The following ITGA8 variants were observed in gnomAD, a reference collection of about 807,000 sequenced individuals.
The protein encoded by ITGA8 is integrin subunit alpha 8.
A neutral mutation model predicts 142.3 loss-of-function variants in ITGA8; 91 were observed. That is an observed-to-expected ratio of 0.64 (90% CI 0.54 to 0.76). ITGA8 has a LOEUF of 0.76. Among genes scored for constraint, ITGA8 ranks in the 30% least tolerant of loss-of-function variants. The pLI, the probability that ITGA8 is intolerant of heterozygous loss-of-function variation, is 0.00. For synonymous variants in ITGA8, 505 were observed against 485.2 expected (o/e 1.04, Z -0.54); for missense variants, 1,406 against 1,327.7 (o/e 1.06, Z -0.92).
rs371518581 is a variant in ITGA8 at position 15,671,585 on chromosome 10, C to T, written c.847+18G>A. 8 of 1,604,902 alleles carry T rather than the reference C, an allele frequency of 5.0e-6. No individual in the cohort carries two copies. Among genetic ancestry groups the T allele is most frequent in the Non-Finnish European group, 4.3e-6 (5 of 1,171,952 alleles). ...CCCCATGCTTTATAAGTGATTTAAA[C>T]TCAACAGTGCCTCTCACCTTGCTGA... is the stretch of plus-strand genomic sequence containing the variant. On this transcript the variant is annotated intron_variant, in intron 8 of 29. Coordinates refer to ENST00000378076, the MANE Select transcript of ITGA8 (RefSeq NM_003638.3).
rs1331440794 is a variant in ITGA8, at chr10:15,517,264, C to T, written c.3106-20G>A. 1.3e-6 allele frequency: 2 copies of T among 1,533,422 alleles called. No homozygotes were observed. The highest frequency in any genetic ancestry group is 1.4e-5 in the African/African-American group (1 of 72,098). The allele number at this position is 1,533,422 out of a possible 1,614,324, so 95.0% of individuals were successfully genotyped here. On this transcript the variant is annotated intron_variant, in intron 29 of 29. Transcript: ENST00000378076. Reference sequence around the variant, plus strand: ...TCCACACTATAAAGGGAAAGATGGGCTATAAAATCACGTCATTCTGGGAAC... The same window carrying T: ...TCCACACTATAAAGGGAAAGATGGGTTATAAAATCACGTCATTCTGGGAAC...
chr10:15,676,074 G>A (rs1265387342), intron 6 of ITGA8, among the ~76,000 whole-genome samples: 3 of 151,648 alleles, frequency 2.0e-5, no homozygotes, highest in South Asian at 2.1e-4. Flanking sequence ...TGAAATTAGC[G>A]GGCCACTCCA....
chr10:15,544,264 C>T (rs966029267), intron 27 of ITGA8, among the ~76,000 whole-genome samples: 20 of 152,130 alleles, frequency 1.3e-4, no homozygotes, highest in African/African-American at 4.6e-4. Flanking sequence ...CACCACTTCA[C>T]TCCAGCTTGG....
chr10:15,526,192 T>TC lies in ITGA8; in HGVS notation c.2982+4857_2982+4858insG, dbSNP rs532313002. 5.0e-3 allele frequency among the ~76,000 whole-genome samples: 763 copies of TC among 152,228 alleles called. 5 individuals are homozygous for TC. Among genetic ancestry groups the TC allele is most frequent in the Middle Eastern group, 0.017 (5 of 294 alleles). The stretch of plus-strand genomic sequence containing the variant: ...TTCATTATAAGATTCTTTTTTTTTT[T>TC]TGAGACGGAGTTGTGCTGTTATCGC... On this transcript the variant is annotated intron_variant, in intron 28 of 29. Transcript: ENST00000378076.
intron 23 of ITGA8, among the ~76,000 whole-genome samples, chr10:15,583,756 G>A (rs1834459447): frequency 1.3e-5 from 2 of 152,096 alleles, no homozygotes; most frequent in African/African-American, 4.8e-5. Flanking sequence ...TGGAGTGATG[G>A]TACTGTTCTA....
At chr10:15,643,450 T>A (rs1449229778) in intron 13 of ITGA8, among the ~76,000 whole-genome samples, 2 of 152,114 alleles carry the variant, frequency 1.3e-5, no homozygotes, top group Non-Finnish European at 2.9e-5. Flanking sequence ...CAGCTAATTT[T>A]TGTATTATTA....
At chr10:15,535,769 A>T (rs1483342799) in intron 27 of ITGA8, among the ~76,000 whole-genome samples, 1 of 152,134 alleles carries the variant, frequency 6.6e-6, no homozygotes, top group Non-Finnish European at 1.5e-5. Context: ...GCTGCCTGGG[A>T]CAGCAGTGGC....
At chr10:15,665,466 T>C (rs1452050816) in intron 8 of ITGA8, among the ~76,000 whole-genome samples, 1 of 152,188 alleles carries the variant, frequency 6.6e-6, no homozygotes, top group Non-Finnish European at 1.5e-5. Flanking sequence ...TTTTTTAGGT[T>C]GCCTGTTCAC....
intron 27 of ITGA8, among the ~76,000 whole-genome samples, chr10:15,534,205 C>A (rs925536757): frequency 6.6e-6 from 1 of 152,152 alleles, no homozygotes; most frequent in Non-Finnish European, 1.5e-5. Context: ...CCACCATGCC[C>A]AGCCTCATCA....
intron 2 of ITGA8, among the ~76,000 whole-genome samples, chr10:15,698,268 C>T (rs1265265209): frequency 2.0e-5 from 3 of 152,122 alleles, no homozygotes; most frequent in Non-Finnish European, 4.4e-5. Flanking sequence ...AGTAGTATTC[C>T]GTGGTGTATA....
At chr10:15,662,064 G>A (rs764417806) in intron 8 of ITGA8, among the ~76,000 whole-genome samples, 13 of 152,054 alleles carry the variant, frequency 8.5e-5, no homozygotes, top group African/African-American at 1.7e-4. Context: ...CACAAACATC[G>A]GGAATTTTGT....
At chr10:15,640,989 T>A (rs1833861210) in intron 13 of ITGA8, among the ~76,000 whole-genome samples, 1 of 152,156 alleles carries the variant, frequency 6.6e-6, no homozygotes. Context: ...CTCTTCCCAG[T>A]CGCTGGACAA....
Position 15,608,254 on chromosome 10 carries a change from C to G in ITGA8, c.1590G>C (p.Gln530His). Residue 530 changes from glutamine to histidine, a missense_variant, in exon 16 of 30, where the codon CAG (glutamine) becomes CAC (histidine). Gln to His is a conservative substitution (Grantham distance 24). Coordinates refer to ENST00000378076, the MANE Select transcript of ITGA8 (RefSeq NM_003638.3). ...SLRVCASVTG[Q>H]SIANTIVLMA... is the part of the protein sequence containing the mutation. ...GCTTACCTATTGTGTTTGCAATGCT[C>G]TGGCCTGTGACAGATGCACATACTC... 1 of 1,598,464 alleles carries G rather than the reference C, an allele frequency of 6.3e-7. No homozygotes were observed. The highest frequency in any genetic ancestry group is 1.3e-5 in the African/African-American group (1 of 74,194).
At chr10:15,663,814 C>T (rs1588707197) in intron 8 of ITGA8, among the ~76,000 whole-genome samples, 1 of 152,098 alleles carries the variant, frequency 6.6e-6, no homozygotes, top group African/African-American at 2.4e-5. Context: ...AAGCAATTCT[C>T]CCACCTTGGC....
At chr10:15,647,449 G>GTTTTTTTTT (rs71505078) in intron 11 of ITGA8, among the ~76,000 whole-genome samples, 5 of 91,486 alleles carry the variant, frequency 5.5e-5, no homozygotes, top group Non-Finnish European at 6.1e-5. Context: ...AAATTATTCA[G>GTTTTTTTTT]TTTTTTTTTT....
intron 13 of ITGA8, among the ~76,000 whole-genome samples, chr10:15,622,081 C>T (rs1564378706): frequency 6.6e-6 from 1 of 152,076 alleles, no homozygotes; most frequent in Non-Finnish European, 1.5e-5. Context: ...TCACTTGAAC[C>T]CGGGAGGTGG....
intron 11 of ITGA8, among the ~76,000 whole-genome samples, chr10:15,648,223 C>G (rs1272030273): frequency 6.6e-6 from 1 of 152,072 alleles, no homozygotes; most frequent in Non-Finnish European, 1.5e-5. Flanking sequence ...TTAATGGCCT[C>G]TATTAAAGTT....
intron 22 of ITGA8, among the ~76,000 whole-genome samples, chr10:15,588,297 A>G (rs1266916124): frequency 1.3e-5 from 2 of 152,312 alleles, no homozygotes; most frequent in South Asian, 2.1e-4. Context: ...AACTGCAACC[A>G]CACATAAAAG....
At chr10:15,685,784 A>T (rs916152551) in intron 3 of ITGA8, among the ~76,000 whole-genome samples, 1 of 152,240 alleles carries the variant, frequency 6.6e-6, no homozygotes, top group Non-Finnish European at 1.5e-5. Flanking sequence ...ATCGGCAAAA[A>T]TAAATTGAAA....
Sources: allele counts gnomAD v4.1 joint callset (sites outside exome capture counted in the v4.1 genomes callset), GRCh38; gene constraint gnomAD v4.1.1; transcripts MANE v1.5; gene names NCBI Gene and HGNC (gene_info 2026-07-23, HGNC 2026-07-21).